Variants in EP400 observed in about 807,000 individuals in gnomAD.
The protein encoded by EP400 is E1A-binding protein p400.
Under a neutral mutation model 354.1 loss-of-function variants are expected in EP400, and 105 were observed. The ratio of observed to expected loss-of-function variants is 0.30; its 90% CI spans 0.25 to 0.35. The LOEUF is 0.35. Among genes scored for constraint, EP400 ranks in the 10% least tolerant of loss-of-function variants. EP400 has a pLI of 1.00. For missense variants in EP400, 3,280 were observed against 4,121.0 expected (o/e 0.80, Z 5.59); for synonymous variants, 1,646 against 1,716.9 (o/e 0.96, Z 1.02).
intron 6 of EP400, among the ~76,000 whole-genome samples, chr12:131,987,092 C>T (rs1045669315): frequency 6.6e-6 from 1 of 152,186 alleles, no homozygotes; most frequent in African/African-American, 2.4e-5. Context: ...CGGAGAGGGA[C>T]AAGCTTGAGC....
chr12:132,032,140 A>G lies in EP400; in HGVS notation c.5942A>G (p.His1981Arg). 6.2e-7 allele frequency: 1 copy of G among 1,613,332 alleles called. No homozygotes were observed. Among genetic ancestry groups the G allele is most frequent in the Non-Finnish European group, 8.5e-7 (1 of 1,179,556 alleles). Residue 1981 changes from histidine (H) to arginine (R), a missense_variant, in exon 30 of 53, where the codon CAC becomes CGC. His to Arg is a conservative substitution (Grantham distance 29, BLOSUM62 0). Around this residue, in one of 20 missense-constraint regions of EP400, gnomAD observed 459 missense variants for 496.9 expected, o/e 0.92. Transcript: ENST00000389561. The part of the protein sequence containing the change: ...CDRIGRCKDI[H>R]IYRLVSGNSI... ...AGGATCGGGAGATGCAAAGACATCC[A>G]CATATACAGGTGAGGGCCTGCGGGG... is the stretch of plus-strand genomic sequence containing the variant.
intron 12 of EP400, among the ~76,000 whole-genome samples, chr12:131,996,574 A>G (rs1017788281): frequency 1.3e-5 from 2 of 152,070 alleles, no homozygotes; most frequent in African/African-American, 2.4e-5. Context: ...TACAGGCTTG[A>G]GCCACCGCGC....
Position 131,967,771 on chromosome 12 carries a change from T to C in EP400, c.1335+5817T>C, listed in dbSNP as rs1485734327. On this transcript the variant is annotated intron_variant, in intron 2 of 52. Coordinates refer to ENST00000389561, the MANE Select transcript of EP400 (RefSeq NM_015409.5). ...TACCATTTTGTGTTCCCAGTAGCAA[T>C]GTATGATAGTTCTCTTCGTTTTGCT... Among the ~76,000 whole-genome samples the C allele has an allele frequency of 2.0e-5, 3 of 152,136 alleles. No individual in the cohort carries two copies. In the South Asian group the frequency reaches 6.2e-4, roughly 32 times the overall value.
At chr12:131,975,628 C>T (rs761781068) in intron 2 of EP400, among the ~76,000 whole-genome samples, 9 of 152,006 alleles carry the variant, frequency 5.9e-5, no homozygotes, top group East Asian at 3.9e-4. Context: ...GGCGTTCTTT[C>T]GGCTCACTGC....
intron 7 of EP400, among the ~76,000 whole-genome samples, chr12:131,988,147 C>T (rs1392338086): frequency 1.3e-5 from 2 of 151,956 alleles, no homozygotes. Context: ...GCTGGGATTG[C>T]AGGCGTGAAC....
chr12:131,983,852 G>A (rs984259651), intron 5 of EP400, among the ~76,000 whole-genome samples: 3 of 151,684 alleles, frequency 2.0e-5, no homozygotes, highest in African/African-American at 4.8e-5. Context: ...GCTGATTTTT[G>A]TATTGTTGTA....
intron 1 of EP400, among the ~76,000 whole-genome samples, chr12:131,958,933 A>G (rs1038069404): frequency 2.6e-5 from 4 of 152,206 alleles, no homozygotes; most frequent in Non-Finnish European, 5.9e-5. Flanking sequence ...TCTTGGAGTA[A>G]GCAAGAAGAA....
chr12:132,065,008 C>T, intron 48 of EP400, 122 bp downstream of exon 48: 1 of 1,456,342 alleles, frequency 6.9e-7, no homozygotes, highest in Non-Finnish European at 9.0e-7. Flanking sequence ...GGTTCTTTTC[C>T]CCGAGAACTT....
intron 51 of EP400, among the ~76,000 whole-genome samples, 158 bp downstream of exon 51, chr12:132,069,799 C>G (rs887421214): frequency 6.6e-6 from 1 of 152,150 alleles, no homozygotes; most frequent in African/African-American, 2.4e-5. Flanking sequence ...TTCAACCCCT[C>G]TGGCTCCTGG....
intron 19 of EP400, among the ~76,000 whole-genome samples, chr12:132,016,035 G>C (rs757446481): frequency 6.6e-6 from 1 of 152,176 alleles, no homozygotes; most frequent in Admixed American, 6.5e-5. Context: ...TGTTAGCCAG[G>C]GCAAGTTGCC....
chr12:131,985,471 C>T (rs2136496690), intron 5 of EP400, among the ~76,000 whole-genome samples: 1 of 152,360 alleles, frequency 6.6e-6, no homozygotes, highest in East Asian at 1.9e-4. Context: ...GGTTCTGTCT[C>T]CCTTCAGCTT....
At position 132,017,653 on chromosome 12, in the gene EP400, G is replaced by A. The variant is rs572102484; in HGVS notation, c.4042G>A (p.Val1348Met). ...GCCCCGGCACCCAGGCTCTTCCTAC[G>A]TGGCGGGGCCACTGGAGTATCCGTC... Reference protein sequence around the residue: ...VEPRHPGSSYVAGPLEYPSAS... With the variant: ...VEPRHPGSSYMAGPLEYPSAS... Residue 1348 changes from valine to methionine, a missense_variant, in exon 20 of 53, where the codon GTG becomes ATG. Around this residue, in one of 20 missense-constraint regions of EP400, gnomAD observed 342 missense variants for 342.7 expected, o/e 1.00. Coordinates refer to ENST00000389561, the MANE Select transcript of EP400 (RefSeq NM_015409.5). The surrounding 1 kb of genome is among the most constrained non-coding windows in gnomAD (Gnocchi z 5.0). 1.7e-5 allele frequency: 27 copies of A among 1,601,872 alleles called. No individual in the cohort carries two copies. Among genetic ancestry groups the A allele is most frequent in the Middle Eastern group, 1.7e-4 (1 of 6,012 alleles).
At chr12:132,049,580 G>A (rs542993749) in intron 39 of EP400, among the ~76,000 whole-genome samples, 57 of 152,236 alleles carry the variant, frequency 3.7e-4, no homozygotes, top group Non-Finnish European at 6.6e-4. Context: ...CTTGGTTTTC[G>A]CCTTGGCACA....
At chr12:131,953,932 G>A (rs1891604400) in intron 1 of EP400, among the ~76,000 whole-genome samples, 1 of 151,912 alleles carries the variant, frequency 6.6e-6, no homozygotes, top group African/African-American at 2.4e-5. Flanking sequence ...GGCCAACGTG[G>A]TGAAACTCCG....
chr12:131,998,885 T>C (rs1893309240), intron 12 of EP400, among the ~76,000 whole-genome samples: 2 of 103,962 alleles, frequency 1.9e-5, no homozygotes, highest in South Asian at 7.2e-4. Flanking sequence ...AAAGACTTTG[T>C]ATACAGTCTT....
chr12:132,061,044 G>A (rs1476568355), intron 45 of EP400, among the ~76,000 whole-genome samples: 2 of 152,198 alleles, frequency 1.3e-5, no homozygotes, highest in Non-Finnish European at 2.9e-5. Flanking sequence ...GCTGGAAGTG[G>A]TAACAAGGTA....
chr12:131,952,277 T>C (rs1593304270), intron 1 of EP400, among the ~76,000 whole-genome samples: 2 of 115,294 alleles, frequency 1.7e-5, no homozygotes, highest in South Asian at 5.8e-4. Context: ...CACTCCAGCC[T>C]GGGCGACAGA....
chr12:132,034,327 G>T (rs1433673370), intron 30 of EP400, among the ~76,000 whole-genome samples: 1 of 152,208 alleles, frequency 6.6e-6, no homozygotes, highest in Non-Finnish European at 1.5e-5. Context: ...ATGCAGGATG[G>T]GCTGTGCCAA....
At chr12:131,959,146 C>T (rs1002678961) in intron 1 of EP400, among the ~76,000 whole-genome samples, 1 of 152,188 alleles carries the variant, frequency 6.6e-6, no homozygotes, top group Admixed American at 6.5e-5. Context: ...ACTGTGCCAC[C>T]AAGAGTCCAT....
Sources: allele counts gnomAD v4.1 joint callset (sites outside exome capture counted in the v4.1 genomes callset), GRCh38; gene constraint gnomAD v4.1.1; regional missense constraint gnomAD v4.1.1; non-coding constraint Gnocchi (gnomAD v3.1); transcripts MANE v1.5; gene names NCBI Gene and HGNC (gene_info 2026-07-23, HGNC 2026-07-21).